Variants in KIF13A observed in about 807,000 individuals in gnomAD.
KIF13A encodes kinesin-like protein KIF13A.
A neutral mutation model predicts 212.2 loss-of-function variants in KIF13A; 79 were observed. That is an observed-to-expected ratio of 0.37 (90% CI 0.31 to 0.45). The LOEUF (loss-of-function observed/expected upper bound fraction) is 0.45. Among genes scored for constraint, KIF13A ranks in the 20% least tolerant of loss-of-function variants. The probability of loss-of-function intolerance (pLI) is 1.00; values close to 1 mark genes in which losing one functional copy is unlikely to be tolerated. For synonymous variants in KIF13A, 789 were observed against 808.6 expected (o/e 0.98, Z 0.41); for missense variants, 1,901 against 2,209.0 (o/e 0.86, Z 2.79).
chr6:17,848,116 T>G (rs2150395777), intron 9 of KIF13A, among the ~76,000 whole-genome samples: 1 of 152,244 alleles, frequency 6.6e-6, no homozygotes, highest in African/African-American at 2.4e-5. Flanking sequence ...CTGGCTTGCT[T>G]TTATTTTTAG....
At chr6:17,957,739 C>T (rs1268941104) in intron 2 of KIF13A, among the ~76,000 whole-genome samples, 2 of 152,116 alleles carry the variant, frequency 1.3e-5, no homozygotes, top group African/African-American at 2.4e-5. Flanking sequence ...AACCCCAAGA[C>T]ATTTGGCCAC....
chr6:17,891,638 G>A (rs1172771918), intron 3 of KIF13A, among the ~76,000 whole-genome samples: 2 of 151,968 alleles, frequency 1.3e-5, no homozygotes, highest in African/African-American at 2.4e-5. Context: ...CATGTCTCTC[G>A]TCTCAGCTAC....
chr6:17,977,328 A>G (rs1780653419), intron 2 of KIF13A, among the ~76,000 whole-genome samples: 1 of 152,166 alleles, frequency 6.6e-6, no homozygotes, highest in South Asian at 2.1e-4. Context: ...TATCTTCACT[A>G]TAATGTAAGA....
intron 2 of KIF13A, among the ~76,000 whole-genome samples, chr6:17,960,939 C>T (rs1340787673): frequency 6.6e-6 from 1 of 152,132 alleles, no homozygotes; most frequent in Non-Finnish European, 1.5e-5. Flanking sequence ...GCACTAGACC[C>T]CTTTCAAGAT....
intron 2 of KIF13A, among the ~76,000 whole-genome samples, chr6:17,957,161 T>C (rs1287399551): frequency 6.6e-6 from 1 of 152,198 alleles, no homozygotes; most frequent in Non-Finnish European, 1.5e-5. Flanking sequence ...GGATTACAAG[T>C]GTGAGCCATC....
chr6:17,836,774 G>A (rs1765994889), intron 11 of KIF13A, 104 bp downstream of exon 11: 11 of 1,010,440 alleles, frequency 1.1e-5, no homozygotes, highest in South Asian at 8.7e-5. Context: ...GACATAAATC[G>A]AAACCATATC....
At chr6:17,985,171 T>C (rs1300055674) in intron 2 of KIF13A, among the ~76,000 whole-genome samples, 2 of 152,236 alleles carry the variant, frequency 1.3e-5, no homozygotes, top group African/African-American at 4.8e-5. Context: ...TTCAAAGAAT[T>C]AGATCCGTCA....
chr6:17,987,410 T>C lies in KIF13A; in HGVS notation c.54A>G (p.Arg18=). 7.3e-7 allele frequency: 1 copy of C among 1,370,942 alleles called. No homozygotes were observed. Among genetic ancestry groups the C allele is most frequent in the Non-Finnish European group, 9.7e-7 (1 of 1,033,570 alleles). The allele number at this position is 1,370,942 out of a possible 1,614,324, so 84.9% of individuals were successfully genotyped here. ...AAAAAAGAGCGGAAAGCTCCTCACC[T>C]CGTCGGTTCATGGGCCGGACCCGGA... ...VAVRVRPMNR[R]ELELNTKCVV... The change falls in exon 1 of 39, where the codon CGA becomes CGG. Residue 18 remains arginine, a splice_region_variant and synonymous_variant. Coordinates refer to ENST00000259711, the MANE Select transcript of KIF13A (RefSeq NM_022113.6). This position sits in a 1 kb window ranked among gnomAD's most constrained non-coding sequence, Gnocchi z 7.7.
intron 4 of KIF13A, among the ~76,000 whole-genome samples, chr6:17,868,684 GGAAGA>G (rs1769659454): frequency 6.6e-6 from 1 of 151,786 alleles, no homozygotes; most frequent in South Asian, 2.1e-4. Context: ...GCTAATAGGA[GGAAGA>G]GATAATATAT....
intron 16 of KIF13A, among the ~76,000 whole-genome samples, chr6:17,821,552 G>GGGGTGTGTGTGTGTGTGTGTGTGTGTGT (rs1764434808): frequency 8.9e-6 from 1 of 112,012 alleles, no homozygotes; most frequent in South Asian, 3.5e-4. Flanking sequence ...ATTGGGACAT[G>GGGGTGTGTGTGTGTGTGTGTGTGTGTGT]GTGTGTGTGT....
chr6:17,855,887 G>A lies in KIF13A; in HGVS notation c.313+143C>T. 1.5e-6 allele frequency: 1 copy of A among 657,418 alleles called. No individual in the cohort carries two copies. Among genetic ancestry groups the A allele is most frequent in the Non-Finnish European group, 2.7e-6 (1 of 375,782 alleles). 40.7% of individuals were successfully genotyped at this position (657,418 alleles called of 1,614,324 possible). A position where few individuals can be genotyped will look rare whatever the true frequency, so the allele number is the denominator to read the frequency against. On this transcript the variant is annotated intron_variant, in intron 5 of 38. Transcript: ENST00000259711. The surrounding 1 kb of genome is among the most constrained non-coding windows in gnomAD (Gnocchi z 4.1). ...CCACCACGCTGGGCTAATGTTTTTA[G>A]TTTTTATAAAGACGGGTCTTACTAT...
At chr6:17,955,983 A>G (rs1778325188) in intron 2 of KIF13A, among the ~76,000 whole-genome samples, 1 of 152,226 alleles carries the variant, frequency 6.6e-6, no homozygotes, top group Admixed American at 6.5e-5. Flanking sequence ...CATATTTTCC[A>G]GATCTTAAGC....
rs1226564949 is a variant in KIF13A at position 17,918,527 on chromosome 6, G to C, written c.147-20347C>G. 6.6e-6 allele frequency among the ~76,000 whole-genome samples: 1 copy of C among 152,186 alleles called. No homozygotes were observed. The highest frequency in any genetic ancestry group is 1.5e-5 in the Non-Finnish European group (1 of 68,028). On this transcript the variant is annotated intron_variant, in intron 2 of 38. Transcript: ENST00000259711. The surrounding 1 kb of genome is among the most constrained non-coding windows in gnomAD (Gnocchi z 4.8). Reference sequence around the variant, plus strand: ...ACTGGATTACTCAGTAGCTCTTAAAGTGGCAGGTATCAAGTGGGGAAGCTA... The same window carrying C: ...ACTGGATTACTCAGTAGCTCTTAAACTGGCAGGTATCAAGTGGGGAAGCTA...
At chr6:17,940,817 A>ATT (rs11325656) in intron 2 of KIF13A, among the ~76,000 whole-genome samples, 3,094 of 139,768 alleles carry the variant, frequency 0.022, 242 homozygotes, top group African/African-American at 0.078. Context: ...ATGTAAATTT[A>ATT]TTTTTTTTTT....
chr6:17,852,511 C>A (rs1375331085), intron 6 of KIF13A, among the ~76,000 whole-genome samples: 2 of 152,152 alleles, frequency 1.3e-5, no homozygotes, highest in African/African-American at 2.4e-5. Flanking sequence ...CCTCAACCTC[C>A]CGCCCAGGTG....
intron 2 of KIF13A, among the ~76,000 whole-genome samples, chr6:17,910,575 A>T (rs1044737697): frequency 6.6e-5 from 8 of 121,796 alleles, no homozygotes; most frequent in African/African-American, 2.5e-4. Context: ...ATTTTTTTTA[A>T]AATTAACTGT....
Position 17,967,231 on chromosome 6 carries a change from C to T in KIF13A, c.146+19823G>A, listed in dbSNP as rs1446369601. On this transcript the variant is annotated intron_variant, in intron 2 of 38. Transcript: ENST00000259711. The surrounding 1 kb of genome is among the most constrained non-coding windows in gnomAD (Gnocchi z 4.1). ...GTAAATTTTTAGATAGTGCTACCGC[C>T]TCAAGGCAATATGCAATTGCTGTGT... 6.6e-6 allele frequency among the ~76,000 whole-genome samples: 1 copy of T among 152,172 alleles called. No homozygotes were observed. The highest frequency in any genetic ancestry group is 1.5e-5 in the Non-Finnish European group (1 of 68,032).
intron 2 of KIF13A, among the ~76,000 whole-genome samples, chr6:17,938,984 G>A (rs1049023277): frequency 6.6e-6 from 1 of 152,138 alleles, no homozygotes; most frequent in Admixed American, 6.6e-5. Context: ...GTAAAGAGAT[G>A]AGTCACTGAA....
rs1766153269 is a variant in KIF13A, at chr6:17,838,159, T to G, written c.831-576A>C. 6.6e-6 allele frequency among the ~76,000 whole-genome samples: 1 copy of G among 151,250 alleles called. No homozygotes were observed. ...CAACATGGTGAAACCCCATCTCTAC[T>G]AAAAATACAAAAATTGCCAGGCGTG... On this transcript the variant is annotated intron_variant, in intron 9 of 38. Coordinates refer to ENST00000259711, the MANE Select transcript of KIF13A (RefSeq NM_022113.6). This position sits in a 1 kb window ranked among gnomAD's most constrained non-coding sequence, Gnocchi z 4.2.
Sources: gnomAD v4.1 joint callset for allele counts (sites outside exome capture counted in the v4.1 genomes callset) on GRCh38, gnomAD v4.1.1 for gene constraint, Gnocchi (gnomAD v3.1) non-coding constraint, MANE v1.5 for transcripts, NCBI Gene and HGNC (gene_info 2026-07-23, HGNC 2026-07-21) for gene names.